Variants in GREB1 observed in about 807,000 individuals in gnomAD.
GREB1 encodes growth regulating estrogen receptor binding 1.
Under a neutral mutation model 200.7 loss-of-function variants are expected in GREB1, and 106 were observed. The observed-to-expected ratio is 0.53, with a 90% CI of 0.45 to 0.62. The LOEUF is 0.62. GREB1 is among the 20% of genes least tolerant of loss of function. The pLI, the probability that GREB1 is intolerant of heterozygous loss-of-function variation, is 0.00. For missense variants in GREB1, 2,243 were observed against 2,556.8 expected (o/e 0.88, Z 2.65); for synonymous variants, 1,132 against 1,092.4 (o/e 1.04, Z -0.72).
chr2:11,585,732 G>A (rs376211150), intron 8 of GREB1, 30 bp from the exon 9 acceptor site: 34 of 1,611,614 alleles, frequency 2.1e-5, no homozygotes, highest in East Asian at 1.6e-4. Flanking sequence ...CTTGTCTGAT[G>A]TTTTCACTAA....
In GREB1 at chr2:11,570,652, T is replaced by TA. The variant is rs565178799; in HGVS notation, c.454+3998dup. Reference sequence around the variant, plus strand: ...TCCTTCCTCCCTAGTTTTACCCTTATAATTGATATTTTTAAGGATATTTAG... The same window carrying TA: ...TCCTTCCTCCCTAGTTTTACCCTTATAAATTGATATTTTTAAGGATATTTAG... On this transcript the variant is annotated intron_variant, in intron 4 of 32. Coordinates refer to ENST00000381486, the MANE Select transcript of GREB1 (RefSeq NM_014668.4). Among the ~76,000 whole-genome samples the TA allele has an allele frequency of 3.2e-3, 492 of 152,132 alleles. 3 individuals are homozygous for TA. The highest frequency in any genetic ancestry group is 0.012 in the African/African-American group (482 of 41,484).
chr2:11,600,428 T>G (rs1681680846), intron 15 of GREB1, among the ~76,000 whole-genome samples: 1 of 152,084 alleles, frequency 6.6e-6, no homozygotes, highest in African/African-American at 2.4e-5. Flanking sequence ...CATTTCAAGG[T>G]CAGAAGGACT....
chr2:11,496,292 T>C (rs1228552860), intron 1 of GREB1, among the ~76,000 whole-genome samples: 1 of 152,144 alleles, frequency 6.6e-6, no homozygotes, highest in Admixed American at 6.5e-5. Flanking sequence ...TTTCAATGAT[T>C]CGATCACCAC....
chr2:11,572,404 C>A (rs1414305929), intron 4 of GREB1, among the ~76,000 whole-genome samples: 1 of 152,214 alleles, frequency 6.6e-6, no homozygotes. Flanking sequence ...AGCAGTAAAC[C>A]TGGGCCATCT....
At chr2:11,594,042 C>T (rs532036096) in intron 11 of GREB1, among the ~76,000 whole-genome samples, 86 of 152,002 alleles carry the variant, frequency 5.7e-4, no homozygotes, top group African/African-American at 2.0e-3. Context: ...CTTGCTTTGT[C>T]ACCTCGGCTG....
chr2:11,533,161 A>G (rs1009939489), upstream of GREB1, among the ~76,000 whole-genome samples: 5 of 152,202 alleles, frequency 3.3e-5, no homozygotes, highest in African/African-American at 9.6e-5. Context: ...GCACATCCCA[A>G]TTATTCATTT....
At chr2:11,502,237 C>A (rs1277773319) in intron 1 of GREB1, among the ~76,000 whole-genome samples, 1 of 135,716 alleles carries the variant, frequency 7.4e-6, no homozygotes, top group African/African-American at 2.8e-5. Context: ...TTTTTTTTTC[C>A]TGAGACAGGG....
rs760940971 is a variant in GREB1 at position 11,616,731 on chromosome 2, C to T, written c.3412+11C>T. 5 of 1,563,080 alleles carry T rather than the reference C, an allele frequency of 3.2e-6. No individual in the cohort carries two copies. The highest frequency in any genetic ancestry group is 4.4e-6 in the Non-Finnish European group (5 of 1,133,496). On this transcript the variant is annotated intron_variant, in intron 21 of 32. Coordinates refer to ENST00000381486, the MANE Select transcript of GREB1 (RefSeq NM_014668.4). Reference sequence around the variant, plus strand: ...CCTCCAAGGCTTCCGGTGAGTCTTCCCACACGGGAAGGACCAGACCAGCAG... The same window carrying T: ...CCTCCAAGGCTTCCGGTGAGTCTTCTCACACGGGAAGGACCAGACCAGCAG...
At chr2:11,626,483 G>T (rs13390187) in intron 24 of GREB1, among the ~76,000 whole-genome samples, 9,407 of 152,160 alleles carry the variant, frequency 0.062, 915 homozygotes, top group African/African-American at 0.21. Flanking sequence ...AGCTACTCAG[G>T]AGACTGAGGC....
intron 3 of GREB1, among the ~76,000 whole-genome samples, chr2:11,564,660 G>T (rs73191494): frequency 0.015 from 2,292 of 152,338 alleles, 57 homozygotes; most frequent in African/African-American, 0.053. Context: ...GGCTGGGAGG[G>T]ACCTAGGTCA....
At chr2:11,561,273 C>T (rs1476714464) in intron 2 of GREB1, 5 of 152,072 alleles carry the variant, frequency 3.3e-5, no homozygotes, top group African/African-American at 4.8e-5. Flanking sequence ...ACATCCATAC[C>T]ATACCTGACC....
chr2:11,585,654 A>T, intron 8 of GREB1, 108 bp from the exon 9 acceptor site: 1 of 1,204,652 alleles, frequency 8.3e-7, no homozygotes, highest in Non-Finnish European at 1.2e-6. Context: ...TCCTGTAATC[A>T]GGGACGTTGG....
chr2:11,541,478 C>T (rs907609936), intron 1 of GREB1, among the ~76,000 whole-genome samples: 5 of 151,964 alleles, frequency 3.3e-5, no homozygotes, highest in Non-Finnish European at 5.9e-5. Flanking sequence ...CACTTGGCAT[C>T]GTGACCTCTC....
At chr2:11,619,345 C>T (rs1683809873) in intron 22 of GREB1, among the ~76,000 whole-genome samples, 2 of 152,146 alleles carry the variant, frequency 1.3e-5, no homozygotes, top group African/African-American at 4.8e-5. Context: ...TCCTTAACAA[C>T]AAAAGTCCAT....
At position 11,525,748 on chromosome 2, in the gene GREB1, G is replaced by A. The variant is rs147152346; in HGVS notation, c.-158-30709G>A. Reference sequence around the variant, plus strand: ...GCCTGGCAGGATGGAGCATGAGGTCGGGGCTCCAGCAGTCAGAACTTCATA... The same window carrying A: ...GCCTGGCAGGATGGAGCATGAGGTCAGGGCTCCAGCAGTCAGAACTTCATA... On this transcript the variant is annotated intron_variant, in intron 1 of 2. Coordinates refer to the GREB1 transcript ENST00000628795. 5.6e-3 allele frequency among the ~76,000 whole-genome samples: 853 copies of A among 152,190 alleles called. 6 individuals carry two copies. The highest frequency in any genetic ancestry group is 0.019 in the African/African-American group (795 of 41,532).
chr2:11,583,256 C>A (rs1299761506), intron 7 of GREB1, among the ~76,000 whole-genome samples: 1 of 152,252 alleles, frequency 6.6e-6, no homozygotes, highest in African/African-American at 2.4e-5. Context: ...CCCCTTTGGT[C>A]GTTCAGTAGA....
chr2:11,504,797 C>T (rs145335504), intron 1 of GREB1, among the ~76,000 whole-genome samples: 52 of 152,286 alleles, frequency 3.4e-4, no homozygotes, highest in East Asian at 2.5e-3. Flanking sequence ...ATGAATAATT[C>T]GACATTACTT....
intron 9 of GREB1, chr2:11,588,312 A>AT: frequency 8.9e-7 from 1 of 1,119,778 alleles, no homozygotes; most frequent in Non-Finnish European, 1.1e-6. Context: ...CCCTGGGAGA[A>AT]TGCAGGGCAG....
At chr2:11,569,884 G>A (rs546567130) in intron 4 of GREB1, among the ~76,000 whole-genome samples, 10 of 152,216 alleles carry the variant, frequency 6.6e-5, no homozygotes, top group Admixed American at 1.3e-4. Flanking sequence ...AGAGCGTGGC[G>A]GGGTGGGGTG....
Sources: gnomAD v4.1 joint callset for allele counts (sites outside exome capture counted in the v4.1 genomes callset) on GRCh38, gnomAD v4.1.1 for gene constraint, MANE v1.5 for transcripts, NCBI Gene and HGNC (gene_info 2026-07-23, HGNC 2026-07-21) for gene names.